Variants in GAREM2 observed in about 807,000 individuals in gnomAD.
GAREM2 encodes the protein GRB2-associated and regulator of MAPK protein 2.
A neutral mutation model predicts 55.6 loss-of-function variants in GAREM2; 30 were observed. The ratio of observed to expected loss-of-function variants is 0.54; its 90% confidence interval spans 0.40 to 0.73. The LOEUF (loss-of-function observed/expected upper bound fraction) is 0.73, where lower values mean the gene tolerates loss of function less well. GAREM2 is among the 30% of genes least tolerant of loss of function. The pLI is 0.00. For missense variants in GAREM2, 1,075 were observed against 1,257.7 expected (o/e 0.85, Z 2.20); for synonymous variants, 550 against 569.1 (o/e 0.97, Z 0.48).
At chr2:26,193,779 A>C, downstream of GAREM2, 1 of 1,613,428 alleles carries the variant, frequency 6.2e-7, no homozygotes, top group Non-Finnish European at 8.5e-7. Flanking sequence ...CTTCCTGAAC[A>C]GGAAGCGATG....
chr2:26,183,545 G>C (rs533651272), intron 3 of GAREM2, among the ~76,000 whole-genome samples: 17 of 152,298 alleles, frequency 1.1e-4, no homozygotes, highest in African/African-American at 3.6e-4. Context: ...GCAACATGGA[G>C]AGACCCTGTC....
At chr2:26,190,829 T>TTG, downstream of GAREM2, 1 of 283,356 alleles carries the variant, frequency 3.5e-6, no homozygotes, top group East Asian at 9.0e-5. Context: ...TTCTTCCAGA[T>TTG]TGCTTTTTGA....
the GAREM2 span, among the ~76,000 whole-genome samples, chr2:26,198,315 T>C: frequency 7.9e-5 from 12 of 151,992 alleles, no homozygotes; most frequent in East Asian, 1.9e-4. Flanking sequence ...ACCTGGAGAA[T>C]AGTCTCTAAT....
chr2:26,187,209 G>A (rs1488343776), intron 5 of GAREM2, 22 bp from the exon 6 acceptor site: 5 of 1,440,172 alleles, frequency 3.5e-6, no homozygotes, highest in Non-Finnish European at 4.6e-6. Flanking sequence ...TCCTATGTGT[G>A]TGTGTCTGTC....
intron 2 of GAREM2, among the ~76,000 whole-genome samples, chr2:26,178,314 C>T (rs2147723684): frequency 6.6e-6 from 1 of 152,252 alleles, no homozygotes; most frequent in South Asian, 2.1e-4. Context: ...TATATGTAAT[C>T]CTAGTGCTTT....
chr2:26,201,368 G>A, the GAREM2 span: 13 of 1,327,690 alleles, frequency 9.8e-6, no homozygotes, highest in East Asian at 4.6e-5. Flanking sequence ...GGAAACTAAC[G>A]TTTATTGAAT....
At chr2:26,181,247 C>A in intron 2 of GAREM2, 1 of 560,928 alleles carries the variant, frequency 1.8e-6, no homozygotes, top group Non-Finnish European at 2.3e-6. Flanking sequence ...CTGTCTGCAT[C>A]CCCTCCTGTC....
chr2:26,194,757 C>A, the GAREM2 span: 5 of 760,682 alleles, frequency 6.6e-6, no homozygotes, highest in African/African-American at 6.8e-5. Flanking sequence ...CTTAAGGTGA[C>A]TTAAAATCTC....
intron 2 of GAREM2, chr2:26,181,978 A>G: frequency 1.0e-6 from 1 of 988,574 alleles, no homozygotes; most frequent in Non-Finnish European, 1.2e-6. Context: ...CCCTGTCTCA[A>G]AAAAAACACC....
the GAREM2 span, chr2:26,201,357 A>C: frequency 7.0e-7 from 1 of 1,432,432 alleles, no homozygotes; most frequent in East Asian, 2.3e-5. Flanking sequence ...TGGGAAGAAA[A>C]GGAAACTAAC....
chr2:26,183,202 C>T (rs570479434), intron 3 of GAREM2, 105 bp downstream of exon 3: 33 of 1,323,590 alleles, frequency 2.5e-5, no homozygotes, highest in South Asian at 2.1e-4. Flanking sequence ...AGAAGGAGAG[C>T]GGCTCCTGGG....
At chr2:26,191,230 G>A, downstream of GAREM2, 1 of 1,611,276 alleles carries the variant, frequency 6.2e-7, no homozygotes, top group Non-Finnish European at 8.5e-7. Context: ...TGCACTGACT[G>A]AGCGAGGCAT....
chr2:26,182,419 C>A, intron 2 of GAREM2: 2 of 1,550,036 alleles, frequency 1.3e-6, no homozygotes, highest in South Asian at 2.4e-5. Flanking sequence ...AAGGGCTGGG[C>A]CAGGCCCTGG....
chr2:26,201,797 T>A, the GAREM2 span, among the ~76,000 whole-genome samples: 7 of 152,056 alleles, frequency 4.6e-5, no homozygotes, highest in Non-Finnish European at 7.4e-5. Context: ...TCTTTTTTTT[T>A]TTTTATTTAT....
downstream of GAREM2, chr2:26,192,413 C>T (rs984856338): frequency 6.4e-7 from 1 of 1,565,676 alleles, no homozygotes; most frequent in Non-Finnish European, 8.8e-7. Flanking sequence ...AAGCCCTTCC[C>T]AGATTTACGA....
intron 2 of GAREM2, chr2:26,182,241 GA>G: frequency 7.0e-7 from 1 of 1,419,120 alleles, no homozygotes; most frequent in African/African-American, 1.4e-5. Context: ...GGCATGTGCT[GA>G]GCTTGGCAAA....
Position 26,188,254 on chromosome 2 carries a change from C to G in GAREM2, c.2622C>G (p.Ile874Met), listed in dbSNP as rs540110481. 3.0e-5 allele frequency: 44 copies of G among 1,468,722 alleles called. No homozygotes were observed. The highest frequency in any genetic ancestry group is 3.6e-5 in the Non-Finnish European group (40 of 1,099,288). The allele number at this position is 1,468,722 out of a possible 1,614,324, so 91.0% of individuals were successfully genotyped here. Residue 874 changes from isoleucine to methionine, a missense_variant, in exon 6 of 6, where the codon ATC (isoleucine) becomes ATG (methionine). By Grantham distance (10) the Ile-to-Met change is conservative (BLOSUM62 1). Coordinates refer to ENST00000401533, the MANE Select transcript of GAREM2 (RefSeq NM_001168241.2). ...MQFIKGWRPK[I>M] The stretch of plus-strand genomic sequence containing the variant: ...TCATCAAAGGCTGGAGGCCCAAGAT[C>G]TGAACTGCCCAGCTGGAGCTGCACA...
intron 2 of GAREM2, chr2:26,182,505 G>A: frequency 6.5e-7 from 1 of 1,548,534 alleles, no homozygotes; most frequent in South Asian, 1.2e-5. Context: ...TAGGGCCCAT[G>A]ATCATCTGTC....
At chr2:26,201,210 A>C in the GAREM2 span, 1 of 1,613,762 alleles carries the variant, frequency 6.2e-7, no homozygotes. Flanking sequence ...AGCTTCAATC[A>C]CCATGTCGGC....
Sources: allele counts gnomAD v4.1 joint callset (sites outside exome capture counted in the v4.1 genomes callset), GRCh38; gene constraint gnomAD v4.1.1; transcripts MANE v1.5; gene names NCBI Gene and HGNC (gene_info 2026-07-23, HGNC 2026-07-21).